Variants in ZNF704 observed in about 807,000 individuals in gnomAD.
ZNF704 encodes glucocorticoid induced gene 1.
A neutral mutation model predicts 44.7 loss-of-function variants in ZNF704; 10 were observed. That is an observed-to-expected ratio of 0.22 (90% CI 0.14 to 0.38). The LOEUF (loss-of-function observed/expected upper bound fraction) is 0.38. ZNF704 is among the 10% of genes least tolerant of loss of function. ZNF704 has a pLI of 1.00. For missense variants in ZNF704, 390 were observed against 545.5 expected, an observed-to-expected ratio of 0.71 and a Z score of 2.84; for synonymous variants, 211 against 207.6, an observed-to-expected ratio of 1.02 and a Z score of -0.14.
intron 2 of ZNF704, among the ~76,000 whole-genome samples, chr8:80,787,200 G>A (rs1409975918): frequency 6.6e-6 from 1 of 152,230 alleles, no homozygotes; most frequent in Non-Finnish European, 1.5e-5. Flanking sequence ...TACCATCCAA[G>A]GAAATCAGGC....
intron 2 of ZNF704, among the ~76,000 whole-genome samples, chr8:80,738,939 G>A (rs1280733566): frequency 6.6e-6 from 1 of 152,080 alleles, no homozygotes; most frequent in African/African-American, 2.4e-5. Flanking sequence ...GATATGACAG[G>A]GCTCACACCA....
intron 5 of ZNF704, among the ~76,000 whole-genome samples, chr8:80,669,072 A>G (rs533940396): frequency 1.2e-4 from 18 of 152,200 alleles, no homozygotes; most frequent in Non-Finnish European, 2.6e-4. Context: ...GCACCCCAGG[A>G]ACTCACAGGA....
chr8:80,678,257 CATATA>C (rs371540907), intron 4 of ZNF704, among the ~76,000 whole-genome samples: 1,573 of 152,284 alleles, frequency 0.01, 31 homozygotes, highest in African/African-American at 0.036. Flanking sequence ...AACATAATTA[CATATA>C]GTGGGAAGAC....
At chr8:80,760,105 G>T (rs1261781782) in intron 2 of ZNF704, among the ~76,000 whole-genome samples, 1 of 152,148 alleles carries the variant, frequency 6.6e-6, no homozygotes, top group Non-Finnish European at 1.5e-5. Context: ...CTGATGAGCA[G>T]TTGACCCAGC....
intron 8 of ZNF704, among the ~76,000 whole-genome samples, chr8:80,642,800 TAAAACA>T (rs1297585823): frequency 1.3e-5 from 2 of 152,192 alleles, no homozygotes; most frequent in South Asian, 2.1e-4. Context: ...ACCTATTCTG[TAAAACA>T]AAAACAAAAA....
intron 2 of ZNF704, among the ~76,000 whole-genome samples, chr8:80,740,484 A>G (rs1464478632): frequency 6.6e-6 from 1 of 152,208 alleles, no homozygotes; most frequent in African/African-American, 2.4e-5. Context: ...TAAAAGCCCA[A>G]GGCCTAGTAA....
chr8:80,726,833 G>GCACACACA (rs60158512), intron 2 of ZNF704, among the ~76,000 whole-genome samples: 111 of 147,668 alleles, frequency 7.5e-4, no homozygotes, highest in African/African-American at 1.1e-3. Flanking sequence ...ACACACACAT[G>GCACACACA]CACACACACA....
At chr8:80,687,516 G>A in intron 3 of ZNF704, 58 bp from the exon 4 acceptor site, 1 of 1,317,326 alleles carries the variant, frequency 7.6e-7, no homozygotes, top group Non-Finnish European at 1.0e-6. Flanking sequence ...GCATGGTTCA[G>A]TGGGGAAATG....
chr8:80,792,825 G>C (rs1003516370), intron 2 of ZNF704, among the ~76,000 whole-genome samples: 11 of 152,128 alleles, frequency 7.2e-5, no homozygotes, highest in Non-Finnish European at 1.0e-4. Flanking sequence ...CTCAGAAGTG[G>C]ATTTATCCCT....
chr8:80,877,917 T>A (rs1025800845), upstream of ZNF704, among the ~76,000 whole-genome samples: 9 of 152,216 alleles, frequency 5.9e-5, no homozygotes, highest in Non-Finnish European at 1.2e-4. Flanking sequence ...GAAATGTGCA[T>A]TTCAAAGCGT....
intron 8 of ZNF704, 92 bp from the exon 9 acceptor site, chr8:80,641,569 G>GAA (rs60295176): frequency 2.2e-3 from 810 of 360,274 alleles, no homozygotes; most frequent in South Asian, 3.8e-3. Context: ...AGTGAGGGAG[G>GAA]AAAAAAAAAA....
intron 1 of ZNF704, among the ~76,000 whole-genome samples, chr8:80,872,823 AC>A (rs887372721): frequency 2.6e-5 from 4 of 151,584 alleles, no homozygotes; most frequent in African/African-American, 9.7e-5. Flanking sequence ...TTTAAATGCT[AC>A]CCCCCACCCC....
intron 1 of ZNF704, among the ~76,000 whole-genome samples, chr8:80,839,410 A>T (rs1420433437): frequency 2.0e-5 from 3 of 152,234 alleles, no homozygotes; most frequent in Non-Finnish European, 4.4e-5. Context: ...CAAGTTGAAA[A>T]CTAATGAACT....
At chr8:80,713,327 T>C (rs1289821485) in intron 2 of ZNF704, among the ~76,000 whole-genome samples, 1 of 152,214 alleles carries the variant, frequency 6.6e-6, no homozygotes, top group Non-Finnish European at 1.5e-5. Flanking sequence ...CCTAAGTGTT[T>C]CATAGGTGTT....
intron 3 of ZNF704, among the ~76,000 whole-genome samples, chr8:80,689,961 C>T (rs890131193): frequency 2.0e-5 from 3 of 152,044 alleles, no homozygotes; most frequent in African/African-American, 7.2e-5. Flanking sequence ...TGCAGACTCA[C>T]TTCCTGATAG....
chr8:80,655,886 C>G (rs1478906460), intron 7 of ZNF704, among the ~76,000 whole-genome samples: 1 of 152,190 alleles, frequency 6.6e-6, no homozygotes, highest in Non-Finnish European at 1.5e-5. Context: ...TTTGGAGACC[C>G]TCCCCAACAG....
chr8:80,824,261 C>T (rs139755125), intron 1 of ZNF704, among the ~76,000 whole-genome samples: 2 of 152,030 alleles, frequency 1.3e-5, no homozygotes, highest in African/African-American at 2.4e-5. Context: ...AACCATGGCA[C>T]GAGAACTACG....
At chr8:80,682,550 G>A (rs1818469984) in intron 4 of ZNF704, among the ~76,000 whole-genome samples, 1 of 152,204 alleles carries the variant, frequency 6.6e-6, no homozygotes, top group Non-Finnish European at 1.5e-5. Flanking sequence ...GTGCATTGCA[G>A]GGGGGCTAAT....
chr8:80,687,033 G>A (rs768399727), intron 4 of ZNF704, among the ~76,000 whole-genome samples, 193 bp downstream of exon 4: 8 of 152,164 alleles, frequency 5.3e-5, no homozygotes, highest in Non-Finnish European at 1.2e-4. Flanking sequence ...AAACTTACCA[G>A]TATTTGTCAT....
Sources: gnomAD v4.1 joint callset for allele counts (sites outside exome capture counted in the v4.1 genomes callset) on GRCh38, gnomAD v4.1.1 for gene constraint, MANE v1.5 for transcripts, NCBI Gene and HGNC (gene_info 2026-07-23, HGNC 2026-07-21) for gene names.